MYH11: variants seen among roughly 807,000 people sequenced by gnomAD.
MYH11 encodes myosin-11.
Under a neutral mutation model 246.6 loss-of-function variants are expected in MYH11, and 80 were observed. The ratio of observed to expected loss-of-function variants is 0.32; its 90% CI spans 0.27 to 0.39. MYH11 has a LOEUF of 0.39. MYH11 is among the 10% of genes least tolerant of loss of function. MYH11 has a pLI of 1.00. For synonymous variants in MYH11, 1,071 were observed against 1,015.5 expected, an observed-to-expected ratio of 1.05 and a Z score of -1.04; for missense variants, 2,158 against 2,546.8, an observed-to-expected ratio of 0.85 and a Z score of 3.29.
chr16:15,803,178 T>A (rs1251082541), intron 3 of MYH11, among the ~76,000 whole-genome samples: 1 of 151,270 alleles, frequency 6.6e-6, no homozygotes, highest in East Asian at 1.9e-4. Flanking sequence ...AACTTTAATC[T>A]CTCCATTATA....
intron 40 of MYH11, chr16:15,713,061 A>AGTTTACG (rs1567680536): frequency 1.3e-5 from 2 of 151,510 alleles, no homozygotes; most frequent in Non-Finnish European, 2.9e-5. Context: ...CGGCATTCAC[A>AGTTTACG]TCCAGTTTTG....
intron 13 of MYH11, 151 bp from the exon 14 acceptor site, chr16:15,756,665 C>T (rs2041726048): frequency 2.5e-6 from 2 of 807,394 alleles, no homozygotes; most frequent in African/African-American, 1.7e-5. Flanking sequence ...GACCCCCATG[C>T]TTCCAAATCT....
At chr16:15,816,895 A>C (rs1007057149) in intron 3 of MYH11, among the ~76,000 whole-genome samples, 2 of 152,208 alleles carry the variant, frequency 1.3e-5, no homozygotes, top group Non-Finnish European at 2.9e-5. Flanking sequence ...CGTCTGCATG[A>C]ATACTTTTAA....
At chr16:15,826,489 T>C (rs2043568577) in intron 2 of MYH11, among the ~76,000 whole-genome samples, 1 of 151,496 alleles carries the variant, frequency 6.6e-6, no homozygotes, top group East Asian at 1.9e-4. Flanking sequence ...CTTGGGAGGC[T>C]GAGGTGGGAG....
At chr16:15,758,895 C>A (rs564225314) in intron 12 of MYH11, among the ~76,000 whole-genome samples, 1 of 149,666 alleles carries the variant, frequency 6.7e-6, no homozygotes, top group East Asian at 2.0e-4. Flanking sequence ...ACCCAGGAGG[C>A]GGAGGCAGCA....
chr16:15,721,284 C>T (rs999695628), intron 32 of MYH11, 138 bp downstream of exon 32: 2 of 1,091,324 alleles, frequency 1.8e-6, no homozygotes, highest in African/African-American at 1.6e-5. Context: ...GCCCCTGCAC[C>T]AGTCCAAAAA....
At chr16:15,743,875 T>C (rs1033462887) in intron 20 of MYH11, among the ~76,000 whole-genome samples, 6 of 152,312 alleles carry the variant, frequency 3.9e-5, no homozygotes, top group East Asian at 1.9e-4. Flanking sequence ...GCCTAGTCTA[T>C]TGCAACAGAG....
In MYH11 at chr16:15,718,341, C is replaced by G. The variant is rs752996609; in HGVS notation, c.5269G>C (p.Asp1757His). 2 of 1,608,918 alleles carry G rather than the reference C, an allele frequency of 1.2e-6. No individual in the cohort carries two copies. The highest frequency in any genetic ancestry group is 1.7e-6 in the Non-Finnish European group (2 of 1,179,936). The change falls in exon 37 of 41, where the codon GAC becomes CAC. Residue 1757 changes from aspartate to histidine, a missense_variant. Coordinates refer to ENST00000300036, the MANE Select transcript of MYH11 (RefSeq NM_002474.3). ...EEQGNMEAMS[D>H]RVRKATQQAE... The stretch of plus-strand genomic sequence containing the variant: ...TGCTGTGTGGCTTTGCGGACCCGGT[C>G]GCTCATGGCCTCCATGTTGCCCTGC...
At chr16:15,832,212 C>A (rs2043759433) in intron 2 of MYH11, among the ~76,000 whole-genome samples, 1 of 152,130 alleles carries the variant, frequency 6.6e-6, no homozygotes. Context: ...GAAGCAGAAC[C>A]AGAACTGGAA....
At chr16:15,735,622 G>A (rs527625723) in intron 25 of MYH11, 44 bp from the exon 26 acceptor site, 5 of 1,608,658 alleles carry the variant, frequency 3.1e-6, no homozygotes, top group Non-Finnish European at 4.3e-6. Flanking sequence ...AGGTCCCTTG[G>A]TTTCCTCTCT....
chr16:15,838,217 C>T lies in MYH11; in HGVS notation c.36G>A (p.Lys12=). ...AQKGQLSDDE[K]FLFVDKNFIN... ...TGAAGTTTTTGTCCACAAAGAGGAA[C>T]TTCTCATCGTCACTGAGTTGGCCCT... Residue 12 remains lysine, a synonymous_variant, in exon 2 of 41, where the codon AAG becomes AAA. Coordinates refer to ENST00000300036, the MANE Select transcript of MYH11 (RefSeq NM_002474.3). 1 of 1,614,120 alleles carries T rather than the reference C, an allele frequency of 6.2e-7. No homozygotes were observed. The highest frequency in any genetic ancestry group is 8.5e-7 in the Non-Finnish European group (1 of 1,180,022).
chr16:15,760,509 A>G, intron 11 of MYH11, 31 bp downstream of exon 11: 1 of 1,479,958 alleles, frequency 6.8e-7, no homozygotes, highest in Non-Finnish European at 9.5e-7. Flanking sequence ...GGGTGGGTGC[A>G]TGGATGGATA....
intron 40 of MYH11, among the ~76,000 whole-genome samples, chr16:15,707,762 A>G (rs1428493214): frequency 6.6e-6 from 1 of 152,176 alleles, no homozygotes; most frequent in African/African-American, 2.4e-5. Flanking sequence ...ACCTGAAGTC[A>G]GGAGTTTGAG....
chr16:15,809,253 C>T (rs551986837), intron 3 of MYH11, among the ~76,000 whole-genome samples: 29 of 152,198 alleles, frequency 1.9e-4, no homozygotes, highest in South Asian at 1.7e-3. Flanking sequence ...TTAGAATGAC[C>T]GGGCGTGGTG....
chr16:15,819,620 G>A lies in MYH11; in HGVS notation c.502+3635C>T, dbSNP rs2151354136. Among the ~76,000 whole-genome samples, 3 of 152,282 alleles carry A rather than the reference G, an allele frequency of 2.0e-5. No individual in the cohort carries two copies. In the Middle Eastern group the frequency reaches 0.01, roughly 518 times the overall value. ...CCCCAGATGGGACCGTCTAGTTGCAGGAAAACAAGCTCAGGGCTCCCACTG... is the reference window on the plus strand; with the variant it reads ...CCCCAGATGGGACCGTCTAGTTGCAAGAAAACAAGCTCAGGGCTCCCACTG... On this transcript the variant is annotated intron_variant, in intron 3 of 40. Coordinates refer to ENST00000300036, the MANE Select transcript of MYH11 (RefSeq NM_002474.3).
At chr16:15,740,846 T>G (rs918096631) in intron 22 of MYH11, among the ~76,000 whole-genome samples, 1 of 152,182 alleles carries the variant, frequency 6.6e-6, no homozygotes, top group African/African-American at 2.4e-5. Flanking sequence ...CTTCAGAGAT[T>G]AGGCTATAAA....
chr16:15,744,908 C>T (rs546438594), intron 20 of MYH11, among the ~76,000 whole-genome samples: 96 of 152,316 alleles, frequency 6.3e-4, no homozygotes, highest in African/African-American at 2.1e-3. Flanking sequence ...GATTCCAGTG[C>T]GGATGGAAAT....
chr16:15,742,689 C>G (rs2041308334), intron 20 of MYH11, among the ~76,000 whole-genome samples: 1 of 152,002 alleles, frequency 6.6e-6, no homozygotes, highest in South Asian at 2.1e-4. Flanking sequence ...CACGATTGTG[C>G]CACTGCACTC....
At chr16:15,794,458 C>G (rs901244808) in intron 4 of MYH11, among the ~76,000 whole-genome samples, 1 of 152,230 alleles carries the variant, frequency 6.6e-6, no homozygotes, top group Admixed American at 6.5e-5. Context: ...AAATAAAAGT[C>G]TGATCGTTTT....
Sources: gnomAD v4.1 joint callset for allele counts (sites outside exome capture counted in the v4.1 genomes callset) on GRCh38, gnomAD v4.1.1 for gene constraint, MANE v1.5 for transcripts, NCBI Gene and HGNC (gene_info 2026-07-23, HGNC 2026-07-21) for gene names.